GPR161: variants seen among roughly 807,000 people sequenced by gnomAD.
GPR161 encodes the protein G-protein coupled receptor RE2.
Under a neutral mutation model 39.2 loss-of-function variants are expected in GPR161, and 25 were observed. The ratio of observed to expected loss-of-function variants is 0.64; its 90% CI spans 0.47 to 0.89. GPR161 has a LOEUF of 0.89. Ranked by LOEUF, GPR161 falls within the 40% of genes least tolerant of loss-of-function variation. The pLI is 0.00. For missense variants in GPR161, 547 were observed against 677.8 expected (o/e 0.81, Z 2.14); for synonymous variants, 286 against 276.6 (o/e 1.03, Z -0.34).
rs1365943073 is a variant in GPR161 at position 168,082,701 on chromosome 1, G to A, written c.*2830C>T. On this transcript the variant is annotated 3_prime_UTR_variant, in exon 6 of 6. Coordinates refer to ENST00000682931, the MANE Select transcript of GPR161 (RefSeq NM_001375883.1). The stretch of plus-strand genomic sequence containing the variant: ...TGTTTAAGCTAACGAGTAGCCAAAT[G>A]TCCCATGTGCCACTGTCCATGTGGT... 1 of 151,756 alleles carries A rather than the reference G, an allele frequency of 6.6e-6. No individual in the cohort carries two copies. The highest frequency in any genetic ancestry group is 6.6e-5 in the Admixed American group (1 of 15,264). The allele number at this position is 151,756 out of a possible 1,614,324, so 9.4% of individuals were successfully genotyped here.
At position 168,080,681 on chromosome 1, in the gene GPR161, C is replaced by T. The variant is rs1415763018; in HGVS notation, c.*4850G>A. On this transcript the variant is annotated 3_prime_UTR_variant, in exon 6 of 6. Transcript: ENST00000682931. Reference sequence around the variant, plus strand: ...ACAGGACAGAGCTGTCCTCAGCAACCAAGGGCATTTCTCAGGGAGAATGTC... The same window carrying T: ...ACAGGACAGAGCTGTCCTCAGCAACTAAGGGCATTTCTCAGGGAGAATGTC... 6.6e-6 allele frequency: 1 copy of T among 152,218 alleles called. No homozygotes were observed. Among genetic ancestry groups the T allele is most frequent in the African/African-American group, 2.4e-5 (1 of 41,434 alleles). 9.4% of individuals were successfully genotyped at this position (152,218 alleles called of 1,614,324 possible).
At chr1:168,110,577 G>GAA (rs1478199647) in intron 1 of GPR161, among the ~76,000 whole-genome samples, 1 of 110,580 alleles carries the variant, frequency 9.0e-6, no homozygotes, top group African/African-American at 4.6e-5. Context: ...GAAAAGAAAA[G>GAA]AAAAGAAAAG....
chr1:168,092,153 C>G (rs1378350017), intron 3 of GPR161, among the ~76,000 whole-genome samples: 1 of 152,182 alleles, frequency 6.6e-6, no homozygotes, highest in African/African-American at 2.4e-5. Flanking sequence ...CTGTAGGGAG[C>G]TGGGACCAGA....
At chr1:168,126,913 G>A (rs551532249) in intron 1 of GPR161, among the ~76,000 whole-genome samples, 8 of 152,118 alleles carry the variant, frequency 5.3e-5, no homozygotes, top group South Asian at 2.1e-4. Context: ...ACCTGATATC[G>A]AATAGAAAGA....
chr1:168,090,360 T>A (rs1042879221), intron 4 of GPR161: 5 of 489,018 alleles, frequency 1.0e-5, no homozygotes, highest in African/African-American at 9.7e-5. Context: ...CAGCCCCATT[T>A]TGTAGAGGAA....
At chr1:168,090,145 T>A (rs1418863917) in intron 4 of GPR161, among the ~76,000 whole-genome samples, 3 of 151,924 alleles carry the variant, frequency 2.0e-5, no homozygotes, top group Non-Finnish European at 4.4e-5. Flanking sequence ...AAGTTGAGGG[T>A]TTAGGAGGAG....
intron 1 of GPR161, among the ~76,000 whole-genome samples, chr1:168,117,115 A>G (rs1697696857): frequency 1.3e-5 from 2 of 152,122 alleles, no homozygotes. Context: ...CCCTCTCCAC[A>G]AGGGCATCAG....
At chr1:168,111,544 C>A (rs375753494) in intron 1 of GPR161, among the ~76,000 whole-genome samples, 2 of 152,180 alleles carry the variant, frequency 1.3e-5, no homozygotes, top group Non-Finnish European at 2.9e-5. Flanking sequence ...CTGTGGCAGT[C>A]GTCTTGAGAC....
rs1370114701 is a variant in GPR161, at chr1:168,097,140, A to G, written c.467T>C (p.Leu156Pro). The change falls in exon 3 of 6, where the codon CTC (leucine) becomes CCC (proline). Residue 156 changes from leucine (L) to proline (P), a missense_variant. Leu to Pro is a moderately conservative substitution (Grantham distance 98). Coordinates refer to ENST00000682931, the MANE Select transcript of GPR161 (RefSeq NM_001375883.1). ...MALVYIWLHS[L>P]IGCLPPLFGW... ...AAACAGGGGTGGCAGGCAGCCGATGAGCGAGTGAAGCCAGATGTAGACAAG... is the reference window on the plus strand; with the variant it reads ...AAACAGGGGTGGCAGGCAGCCGATGGGCGAGTGAAGCCAGATGTAGACAAG... 6.2e-7 allele frequency: 1 copy of G among 1,614,132 alleles called. No individual in the cohort carries two copies. The highest frequency in any genetic ancestry group is 8.5e-7 in the Non-Finnish European group (1 of 1,180,030).
rs929406959 is a variant in GPR161 at position 168,080,854 on chromosome 1, G to A, written c.*4677C>T. ...GTACAAACAGGCCAGTAGCATAGAG[G>A]ATAGACTTTTTCTTTTTTTTCTTTT... On this transcript the variant is annotated 3_prime_UTR_variant, in exon 6 of 6. Transcript: ENST00000682931. The A allele has an allele frequency of 2.6e-5, 4 of 152,310 alleles. No homozygotes were observed. Among genetic ancestry groups the A allele is most frequent in the African/African-American group, 9.7e-5 (4 of 41,278 alleles). The allele number at this position is 152,310 out of a possible 1,614,324, so 9.4% of individuals were successfully genotyped here. A position where few individuals can be genotyped will look rare whatever the true frequency, so the allele number is the denominator to read the frequency against.
intron 1 of GPR161, chr1:168,136,320 G>C (rs1429886769): frequency 2.8e-5 from 42 of 1,483,608 alleles, no homozygotes; most frequent in Non-Finnish European, 3.5e-5. Context: ...TGCCCTGAGC[G>C]GGACGTGGAG....
intron 3 of GPR161, among the ~76,000 whole-genome samples, chr1:168,093,341 C>G (rs549154675): frequency 6.6e-6 from 1 of 152,244 alleles, no homozygotes; most frequent in South Asian, 2.1e-4. Context: ...TTTGTACTTC[C>G]TCACTTTGGG....
rs534665690 is a variant in GPR161 at position 168,084,703 on chromosome 1, T to C, written c.*828A>G. ...CTTCCATAATAACAGTTTCTCTATTTCCTGGCTGTGCTTGGCACTACAGTC... is the reference window on the plus strand; with the variant it reads ...CTTCCATAATAACAGTTTCTCTATTCCCTGGCTGTGCTTGGCACTACAGTC... On this transcript the variant is annotated 3_prime_UTR_variant, in exon 6 of 6. Transcript: ENST00000682931. The C allele has an allele frequency of 5.5e-5, 21 of 384,916 alleles. No homozygotes were observed. In the East Asian group the frequency reaches 1.2e-3, roughly 22 times the overall value. 23.8% of individuals were successfully genotyped at this position (384,916 alleles called of 1,614,324 possible). A position where few individuals can be genotyped will look rare whatever the true frequency, so the allele number is the denominator to read the frequency against.
chr1:168,122,655 T>G (rs761138134), intron 1 of GPR161, among the ~76,000 whole-genome samples: 1 of 152,192 alleles, frequency 6.6e-6, no homozygotes, highest in Admixed American at 6.5e-5. Flanking sequence ...TCACTATTTC[T>G]GAAACCCATC....
chr1:168,090,720 C>G (rs1167382492), intron 3 of GPR161, 52 bp from the exon 4 acceptor site: 2 of 976,526 alleles, frequency 2.0e-6, no homozygotes, highest in Non-Finnish European at 3.1e-6. Flanking sequence ...CAAGGAGGGG[C>G]CCCAGCCTCC....
chr1:168,081,789 A>G lies in GPR161; in HGVS notation c.*3742T>C, dbSNP rs1694091593. 6.6e-6 allele frequency: 1 copy of G among 152,434 alleles called. No homozygotes were observed. Among genetic ancestry groups the G allele is most frequent in the Admixed American group, 6.5e-5 (1 of 15,292 alleles). The allele number at this position is 152,434 out of a possible 1,614,324, so 9.4% of individuals were successfully genotyped here. A position where few individuals can be genotyped will look rare whatever the true frequency, so the allele number is the denominator to read the frequency against. On this transcript the variant is annotated 3_prime_UTR_variant, in exon 6 of 6. Coordinates refer to ENST00000682931, the MANE Select transcript of GPR161 (RefSeq NM_001375883.1). The stretch of plus-strand genomic sequence containing the variant: ...CCTAACACAGCACCTAGCACATCAT[A>G]GGCCCTCAAATGTCAAACAGGTCAG...
chr1:168,110,665 C>G (rs779078984), intron 1 of GPR161, among the ~76,000 whole-genome samples: 2 of 148,982 alleles, frequency 1.3e-5, no homozygotes, highest in Non-Finnish European at 2.9e-5. Context: ...GACTCACTCC[C>G]GTAATCCCAG....
At chr1:168,100,005 A>G (rs1695943259) in intron 2 of GPR161, among the ~76,000 whole-genome samples, 1 of 152,080 alleles carries the variant, frequency 6.6e-6, no homozygotes, top group Non-Finnish European at 1.5e-5. Context: ...GTTTGAGACC[A>G]GACTGGGCAA....
intron 1 of GPR161, among the ~76,000 whole-genome samples, chr1:168,109,492 C>A (rs1311709427): frequency 6.6e-6 from 1 of 152,146 alleles, no homozygotes; most frequent in African/African-American, 2.4e-5. Flanking sequence ...AACCAACATC[C>A]TACATAAAGA....
Sources: gnomAD v4.1 joint callset for allele counts (sites outside exome capture counted in the v4.1 genomes callset) on GRCh38, gnomAD v4.1.1 for gene constraint, MANE v1.5 for transcripts, NCBI Gene and HGNC (gene_info 2026-07-23, HGNC 2026-07-21) for gene names.